Variants in ITGA2 observed in about 807,000 individuals in gnomAD.
The protein encoded by ITGA2 is integrin subunit alpha 2.
ITGA2 carries 101 observed loss-of-function variants against 146.3 expected under a neutral mutation model. The ratio of observed to expected loss-of-function variants is 0.69; its 90% CI spans 0.59 to 0.81. ITGA2 has a LOEUF of 0.81. Ranked by LOEUF, ITGA2 falls within the 40% of genes least tolerant of loss-of-function variation. The pLI is 0.00. For missense variants in ITGA2, 1,281 were observed against 1,402.7 expected (o/e 0.91, Z 1.39); for synonymous variants, 477 against 487.1 (o/e 0.98, Z 0.27).
chr5:53,081,733 C>G lies in ITGA2; in HGVS notation c.3144+37C>G, dbSNP rs759470251. The G allele has an allele frequency of 4.4e-6, 6 of 1,358,304 alleles. No individual in the cohort carries two copies. The African/African-American group carries it at 5.8e-5, about 13-fold the overall frequency. 84.1% of individuals were successfully genotyped at this position (1,358,304 alleles called of 1,614,324 possible). On this transcript the variant is annotated intron_variant, in intron 26 of 29. Coordinates refer to ENST00000296585, the MANE Select transcript of ITGA2 (RefSeq NM_002203.4). ...TTAACGTGTGAAAGCTCCCCTCATT[C>G]ATTTATTTCACCTGTGATCAGGACG...
chr5:53,003,725 G>C (rs1741693979), intron 1 of ITGA2, among the ~76,000 whole-genome samples: 1 of 152,196 alleles, frequency 6.6e-6, no homozygotes, highest in Non-Finnish European at 1.5e-5. Flanking sequence ...CCTATGGATG[G>C]GGAGTGTCAA....
In ITGA2 at chr5:52,989,438, G is replaced by A. The variant is rs1740799549; in HGVS notation, c.-31G>A. ...TCCTCTGCAAACCTCTGCAAACCCA[G>A]CGCAACTACGGTCCCCCGGTCAGAC... On this transcript the variant is annotated 5_prime_UTR_variant, in exon 1 of 30. Coordinates refer to ENST00000296585, the MANE Select transcript of ITGA2 (RefSeq NM_002203.4). 2 of 1,613,246 alleles carry A rather than the reference G, an allele frequency of 1.2e-6. No individual in the cohort carries two copies. Among genetic ancestry groups the A allele is most frequent in the South Asian group, 2.2e-5 (2 of 91,064 alleles).
chr5:53,078,871 G>A lies in ITGA2; in HGVS notation c.2925G>A (p.Leu975=), dbSNP rs1408345950. The change falls in exon 24 of 30, where the codon CTG becomes CTA. Residue 975 remains leucine (L), a synonymous_variant. Transcript: ENST00000296585. ...TTGGTCCAAAATTCATCTTCTCCCTGAAGGTTGGTAAGCCTGTCATAAGGA... is the reference window on the plus strand; with the variant it reads ...TTGGTCCAAAATTCATCTTCTCCCTAAAGGTTGGTAAGCCTGTCATAAGGA... ...EDVGPKFIFS[L]KVTTGSVPVS... is the part of the protein sequence containing the mutation. The A allele has an allele frequency of 1.9e-6, 3 of 1,583,004 alleles. No homozygotes were observed. In the Admixed American group the frequency reaches 5.0e-5, roughly 26 times the overall value.
chr5:53,028,775 T>C (rs1457077189), intron 2 of ITGA2, among the ~76,000 whole-genome samples: 2 of 152,220 alleles, frequency 1.3e-5, no homozygotes, highest in East Asian at 3.8e-4. Flanking sequence ...CCCTATATCT[T>C]ATCCATGAGC....
Position 52,989,357 on chromosome 5 carries a change from A to T in ITGA2, c.-112A>T, listed in dbSNP as rs576327946. On this transcript the variant is annotated 5_prime_UTR_variant, in exon 1 of 30. It adds an upstream start codon to the 5' untranslated region. Coordinates refer to ENST00000296585, the MANE Select transcript of ITGA2 (RefSeq NM_002203.4). ...CTGCTCTCACCGGGCGGGGGAGAGAAGCCCTCTGGACAGCTTCTAGAGTGT... is the reference window on the plus strand; with the variant it reads ...CTGCTCTCACCGGGCGGGGGAGAGATGCCCTCTGGACAGCTTCTAGAGTGT... The T allele has an allele frequency of 8.8e-7, 1 of 1,132,052 alleles. No individual in the cohort carries two copies. The highest frequency in any genetic ancestry group is 2.4e-5 in the East Asian group (1 of 41,696). The allele number at this position is 1,132,052 out of a possible 1,614,324, so 70.1% of individuals were successfully genotyped here.
intron 16 of ITGA2, among the ~76,000 whole-genome samples, chr5:53,068,555 T>G (rs1038804292): frequency 6.6e-6 from 1 of 151,870 alleles, no homozygotes; most frequent in African/African-American, 2.4e-5. Flanking sequence ...AATTCTACTT[T>G]CAGAGAATTT....
intron 1 of ITGA2, among the ~76,000 whole-genome samples, chr5:53,008,631 T>C (rs546579067): frequency 1.2e-5 from 1 of 86,526 alleles, no homozygotes; most frequent in South Asian, 5.0e-4. Flanking sequence ...TATCGCCAGA[T>C]GTCAGCTAGA....
At chr5:53,072,077 A>C (rs1170639127) in intron 18 of ITGA2, 29 bp downstream of exon 18, 1 of 1,466,072 alleles carries the variant, frequency 6.8e-7, no homozygotes, top group African/African-American at 1.4e-5. Flanking sequence ...TCCTGGATTT[A>C]GACTGGCAAA....
intron 6 of ITGA2, among the ~76,000 whole-genome samples, chr5:53,050,410 TCA>T (rs1174950349): frequency 1.4e-4 from 21 of 152,190 alleles, no homozygotes; most frequent in African/African-American, 4.8e-4. Context: ...TTTGAAATTC[TCA>T]GTTATTTTTT....
At chr5:53,046,931 T>A (rs1374250558) in intron 4 of ITGA2, among the ~76,000 whole-genome samples, 3 of 152,006 alleles carry the variant, frequency 2.0e-5, no homozygotes, top group Non-Finnish European at 2.9e-5. Flanking sequence ...CAAAAAAAAA[T>A]TTTGAATACT....
intron 26 of ITGA2, 110 bp from the exon 27 acceptor site, chr5:53,083,230 T>G (rs1746011167): frequency 4.2e-6 from 3 of 716,348 alleles, no homozygotes; most frequent in East Asian, 2.7e-5. Context: ...ATTGCCTGTT[T>G]CCCTAGGTGT....
At position 53,082,386 on chromosome 5, in the gene ITGA2, C is replaced by G. The variant is rs1290483502; in HGVS notation, c.3144+690C>G. ...TGTGAAGGATGGGGAAAACAGGAAA[C>G]CAGAAGAATAAAATTATTTCTTTTA... is the stretch of plus-strand genomic sequence containing the variant. On this transcript the variant is annotated intron_variant, in intron 26 of 29. Transcript: ENST00000296585. Among the ~76,000 whole-genome samples, 4 of 152,238 alleles carry G rather than the reference C, an allele frequency of 2.6e-5. No individual in the cohort carries two copies. In the East Asian group the frequency reaches 5.8e-4, roughly 22 times the overall value.
At chr5:53,051,319 C>T in intron 6 of ITGA2, 92 bp from the exon 7 acceptor site, 1 of 1,366,256 alleles carries the variant, frequency 7.3e-7, no homozygotes, top group Non-Finnish European at 1.0e-6. Flanking sequence ...CGGCCCATGT[C>T]TAAATGTACT....
intron 4 of ITGA2, 78 bp downstream of exon 4, chr5:53,045,170 A>G (rs1744015453): frequency 5.5e-6 from 6 of 1,084,846 alleles, no homozygotes; most frequent in South Asian, 1.3e-5. Context: ...ATCCCTCCCA[A>G]TCTGAGGATT....
Position 53,052,795 on chromosome 5 carries a change from AT to A in ITGA2, c.779+1242del, listed in dbSNP as rs1380702099. The stretch of plus-strand genomic sequence containing the variant: ...TGCCTCTTCACTAGCTCCTTTTCCT[AT>A]TTTTTCTTCACTAAACAGAGCCCTC... On this transcript the variant is annotated intron_variant, in intron 7 of 29. Transcript: ENST00000296585. Among the ~76,000 whole-genome samples the A allele has an allele frequency of 4.0e-5, 6 of 151,700 alleles. No individual in the cohort carries two copies. In the South Asian group the frequency reaches 6.3e-4, roughly 16 times the overall value.
At chr5:53,056,630 G>A (rs1744647255) in intron 9 of ITGA2, among the ~76,000 whole-genome samples, 1 of 152,026 alleles carries the variant, frequency 6.6e-6, no homozygotes, top group Non-Finnish European at 1.5e-5. Flanking sequence ...TTTGTTTACA[G>A]TAAGCATATA....
At chr5:53,064,640 T>C (rs1745062883) in intron 13 of ITGA2, among the ~76,000 whole-genome samples, 1 of 151,952 alleles carries the variant, frequency 6.6e-6, no homozygotes, top group Non-Finnish European at 1.5e-5. Flanking sequence ...ATTCCTAGGC[T>C]CAAGCAATCC....
intron 10 of ITGA2, among the ~76,000 whole-genome samples, chr5:53,059,380 T>C (rs1388769296): frequency 6.6e-6 from 1 of 151,872 alleles, no homozygotes; most frequent in Non-Finnish European, 1.5e-5. Context: ...AAGCTGAAAG[T>C]AGAACAGGTC....
At chr5:53,011,770 A>G (rs1346560212) in intron 1 of ITGA2, among the ~76,000 whole-genome samples, 1 of 151,994 alleles carries the variant, frequency 6.6e-6, no homozygotes, top group Non-Finnish European at 1.5e-5. Context: ...ATAAGGAAGG[A>G]AGGTAGGATG....
Sources: allele counts gnomAD v4.1 joint callset (sites outside exome capture counted in the v4.1 genomes callset), GRCh38; gene constraint gnomAD v4.1.1; transcripts MANE v1.5; gene names NCBI Gene and HGNC (gene_info 2026-07-23, HGNC 2026-07-21).